Variants in KCTD8 observed in about 807,000 individuals in gnomAD.
The protein encoded by KCTD8 is BTB/POZ domain-containing protein KCTD8.
Under a neutral mutation model 31.5 loss-of-function variants are expected in KCTD8, and 27 were observed. That is an observed-to-expected ratio of 0.86 (90% CI 0.63 to 1.18). KCTD8 has a LOEUF of 1.18. KCTD8 is among the 50% of genes most tolerant of loss of function. KCTD8 has a pLI of 0.00. For missense variants in KCTD8, 658 were observed against 647.7 expected (o/e 1.02, Z -0.17); for synonymous variants, 290 against 280.0 (o/e 1.04, Z -0.36).
rs765990631 is a variant in KCTD8 at position 44,174,831 on chromosome 4, G to A, written c.1381C>T (p.Arg461Cys). Reference protein sequence around the residue: ...HIPDYFPERKRQWQSELLQKY... With the variant: ...HIPDYFPERKCQWQSELLQKY... ...TGCAACAGTTCAGATTGCCATTGGC[G>A]TTTGCGCTCTGGAAAATAATCTGGA... Residue 461 changes from arginine (R) to cysteine (C), a missense_variant, in exon 2 of 2, where the codon CGC (arginine) becomes TGC (cysteine). Physicochemically the swap from Arg to Cys is radical, Grantham distance 180. Transcript: ENST00000360029. 8.4e-5 allele frequency: 135 copies of A among 1,613,054 alleles called. No homozygotes were observed. Among genetic ancestry groups the A allele is most frequent in the Admixed American group, 1.3e-4 (8 of 59,820 alleles).
intron 1 of KCTD8, among the ~76,000 whole-genome samples, chr4:44,402,392 T>G (rs1720687679): frequency 6.6e-6 from 1 of 152,174 alleles, no homozygotes. Flanking sequence ...ATATCAATAT[T>G]TAATTACTAT....
rs919461296 is a variant in KCTD8 at position 44,346,516 on chromosome 4, C to T, written c.961+101047G>A. 5.3e-5 allele frequency among the ~76,000 whole-genome samples: 8 copies of T among 152,006 alleles called. No homozygotes were observed. In the East Asian group the frequency reaches 1.5e-3, roughly 29 times the overall value. On this transcript the variant is annotated intron_variant, in intron 1 of 1. Coordinates refer to ENST00000360029, the MANE Select transcript of KCTD8 (RefSeq NM_198353.3). ...TTTCAGCTCGATTATACAACTATAC[C>T]ACATGGTTAATTAATTAAAAAAATG...
At chr4:44,185,717 T>C (rs1713566180) in intron 1 of KCTD8, among the ~76,000 whole-genome samples, 1 of 152,170 alleles carries the variant, frequency 6.6e-6, no homozygotes, top group Admixed American at 6.5e-5. Context: ...CTCATTATCA[T>C]ATTTGGATGT....
intron 1 of KCTD8, among the ~76,000 whole-genome samples, chr4:44,324,073 C>CAAAAA (rs1170127314): frequency 3.7e-5 from 5 of 136,026 alleles, no homozygotes; most frequent in South Asian, 2.3e-4. Context: ...CAAAACAAAA[C>CAAAAA]AAAAAAAAAA....
intron 1 of KCTD8, among the ~76,000 whole-genome samples, chr4:44,288,823 T>TA (rs1717177358): frequency 6.6e-6 from 1 of 152,048 alleles, no homozygotes; most frequent in African/African-American, 2.4e-5. Context: ...TTTCTGCATA[T>TA]ATACTGAGAA....
chr4:44,325,514 A>T (rs989887031), intron 1 of KCTD8, among the ~76,000 whole-genome samples: 1 of 151,898 alleles, frequency 6.6e-6, no homozygotes, highest in African/African-American at 2.4e-5. Flanking sequence ...TTTGTAACTG[A>T]AAGGATACAT....
intron 1 of KCTD8, among the ~76,000 whole-genome samples, chr4:44,393,375 C>A (rs1720417887): frequency 6.6e-6 from 1 of 151,628 alleles, no homozygotes; most frequent in Non-Finnish European, 1.5e-5. Context: ...TAGTGTAAAG[C>A]ATTTAAAAAC....
intron 1 of KCTD8, among the ~76,000 whole-genome samples, chr4:44,296,060 G>A (rs927014231): frequency 6.6e-6 from 1 of 152,046 alleles, no homozygotes; most frequent in Non-Finnish European, 1.5e-5. Context: ...GATCATATTT[G>A]TTTTTAACGT....
At chr4:44,395,515 T>C (rs1720480252) in intron 1 of KCTD8, among the ~76,000 whole-genome samples, 1 of 152,102 alleles carries the variant, frequency 6.6e-6, no homozygotes, top group Non-Finnish European at 1.5e-5. Context: ...AACACCCATA[T>C]TCGGCATAAA....
chr4:44,398,138 C>T (rs756041307), intron 1 of KCTD8, among the ~76,000 whole-genome samples: 1 of 152,086 alleles, frequency 6.6e-6, no homozygotes, highest in Non-Finnish European at 1.5e-5. Flanking sequence ...AGTTGTATGT[C>T]AAGTAAATAG....
intron 1 of KCTD8, among the ~76,000 whole-genome samples, chr4:44,205,236 T>C (rs1369787989): frequency 6.6e-6 from 1 of 152,000 alleles, no homozygotes; most frequent in African/African-American, 2.4e-5. Flanking sequence ...GAAAGAAAAA[T>C]TAAAGTGCCT....
intron 1 of KCTD8, among the ~76,000 whole-genome samples, chr4:44,291,818 C>G (rs1352931557): frequency 6.6e-6 from 1 of 151,638 alleles, no homozygotes; most frequent in African/African-American, 2.4e-5. Context: ...GGGCAAAGAA[C>G]AAGAACAGAC....
At chr4:44,198,502 T>C (rs1293777397) in intron 1 of KCTD8, among the ~76,000 whole-genome samples, 1 of 152,110 alleles carries the variant, frequency 6.6e-6, no homozygotes, top group African/African-American at 2.4e-5. Flanking sequence ...GGGGCATATT[T>C]TCAGCATCCT....
chr4:44,320,306 A>C (rs1191510986), intron 1 of KCTD8, among the ~76,000 whole-genome samples: 1 of 151,942 alleles, frequency 6.6e-6, no homozygotes, highest in Admixed American at 6.6e-5. Flanking sequence ...AGACAATTTC[A>C]ATAAAGAACA....
chr4:44,177,458 C>T (rs535097962), intron 1 of KCTD8, among the ~76,000 whole-genome samples: 6 of 152,218 alleles, frequency 3.9e-5, no homozygotes, highest in African/African-American at 1.2e-4. Context: ...TGTGTCCCCA[C>T]CCAAATATCA....
intron 1 of KCTD8, among the ~76,000 whole-genome samples, chr4:44,289,997 C>T (rs1423876420): frequency 2.0e-5 from 3 of 151,924 alleles, no homozygotes; most frequent in Admixed American, 6.6e-5. Flanking sequence ...GTCCAAATGC[C>T]GCAATAAAAA....
At chr4:44,425,278 T>A (rs1721318026) in intron 1 of KCTD8, among the ~76,000 whole-genome samples, 1 of 152,048 alleles carries the variant, frequency 6.6e-6, no homozygotes, top group Admixed American at 6.6e-5. Context: ...ATTCCACAGT[T>A]AAATGTGATT....
intron 1 of KCTD8, among the ~76,000 whole-genome samples, chr4:44,330,077 T>C (rs1323858820): frequency 6.6e-6 from 1 of 151,958 alleles, no homozygotes; most frequent in African/African-American, 2.4e-5. Context: ...GCAATGAACA[T>C]GTCAGCTTTT....
chr4:44,188,285 A>T (rs1227110958), intron 1 of KCTD8, among the ~76,000 whole-genome samples: 1 of 152,200 alleles, frequency 6.6e-6, no homozygotes, highest in Admixed American at 6.5e-5. Context: ...ATCATGATGA[A>T]GGAAAGATGA....
Sources: allele counts gnomAD v4.1 joint callset (sites outside exome capture counted in the v4.1 genomes callset), GRCh38; gene constraint gnomAD v4.1.1; transcripts MANE v1.5; gene names NCBI Gene and HGNC (gene_info 2026-07-23, HGNC 2026-07-21).